TMEM132D: variants seen among roughly 807,000 people sequenced by gnomAD.
TMEM132D encodes mature OL transmembrane protein.
TMEM132D carries 21 observed loss-of-function variants against 62.3 expected under a neutral mutation model. That is an observed-to-expected ratio of 0.34 (90% CI 0.24 to 0.49). The LOEUF (loss-of-function observed/expected upper bound fraction) is 0.49. Among genes scored for constraint, TMEM132D ranks in the 20% least tolerant of loss-of-function variants. TMEM132D has a pLI of 0.99. For synonymous variants in TMEM132D, 621 were observed against 575.6 expected (o/e 1.08, Z -1.13); for missense variants, 1,346 against 1,402.8 (o/e 0.96, Z 0.65).
chr12:129,232,034 C>G (rs1047606597), intron 4 of TMEM132D, among the ~76,000 whole-genome samples: 1 of 152,138 alleles, frequency 6.6e-6, no homozygotes, highest in South Asian at 2.1e-4. Flanking sequence ...CTCAGTGGTT[C>G]TCAAACTTAG....
intron 5 of TMEM132D, among the ~76,000 whole-genome samples, chr12:129,152,325 C>T (rs1046103796): frequency 6.6e-6 from 1 of 152,200 alleles, no homozygotes; most frequent in African/African-American, 2.4e-5. Context: ...AAAATTCTCC[C>T]AGCCTGGGTT....
chr12:129,517,815 G>GGAACAAGGAGAAATTATGCTT lies in TMEM132D; in HGVS notation c.1115+13223_1115+13243dup. Among the ~76,000 whole-genome samples, 3 of 152,264 alleles carry GGAACAAGGAGAAATTATGCTT rather than the reference G, an allele frequency of 2.0e-5. No individual in the cohort carries two copies. The Middle Eastern group carries it at 0.01, about 518-fold the overall frequency. Reference sequence around the variant, plus strand: ...CTATGTGGCAGGCATGGTTGAATAAGGAACAAGGAGAAATTATGCTTGGCT... The same window carrying GGAACAAGGAGAAATTATGCTT: ...CTATGTGGCAGGCATGGTTGAATAAGGAACAAGGAGAAATTATGCTTGAACAAGGAGAAATTATGCTTGGCT... On this transcript the variant is annotated intron_variant, in intron 3 of 8. Coordinates refer to ENST00000422113, the MANE Select transcript of TMEM132D (RefSeq NM_133448.3).
intron 2 of TMEM132D, among the ~76,000 whole-genome samples, chr12:129,678,190 G>A (rs1220901454): frequency 6.6e-6 from 1 of 152,032 alleles, no homozygotes. Flanking sequence ...CCTTAGAAGT[G>A]GAAATATGGG....
chr12:129,329,047 T>A (rs1480059622), intron 4 of TMEM132D, among the ~76,000 whole-genome samples: 1 of 149,402 alleles, frequency 6.7e-6, no homozygotes, highest in Non-Finnish European at 1.5e-5. Flanking sequence ...TATATATATA[T>A]AAAGAATATA....
At chr12:129,442,047 G>C (rs1466984543) in intron 3 of TMEM132D, among the ~76,000 whole-genome samples, 1 of 152,138 alleles carries the variant, frequency 6.6e-6, no homozygotes, top group Admixed American at 6.5e-5. Context: ...CTCACTTCCT[G>C]GGTGACAGAT....
intron 5 of TMEM132D, among the ~76,000 whole-genome samples, chr12:129,162,246 C>T (rs1269225571): frequency 1.3e-5 from 2 of 152,112 alleles, no homozygotes; most frequent in South Asian, 2.1e-4. Flanking sequence ...TTGCATGCTC[C>T]ATGCACTGAG....
intron 3 of TMEM132D, among the ~76,000 whole-genome samples, chr12:129,404,847 C>T (rs1017214937): frequency 1.1e-4 from 17 of 152,148 alleles, no homozygotes; most frequent in African/African-American, 3.9e-4. Context: ...CTAGGGATCA[C>T]ATTTCAACAT....
chr12:129,293,850 T>C (rs937395641), intron 4 of TMEM132D, among the ~76,000 whole-genome samples: 1 of 152,178 alleles, frequency 6.6e-6, no homozygotes, highest in Non-Finnish European at 1.5e-5. Flanking sequence ...ACTTGCCTTC[T>C]GCTGTGTGGC....
At chr12:129,787,394 A>G (rs1871274377) in intron 1 of TMEM132D, among the ~76,000 whole-genome samples, 1 of 152,148 alleles carries the variant, frequency 6.6e-6, no homozygotes, top group Non-Finnish European at 1.5e-5. Flanking sequence ...CTCAGCAGAC[A>G]AGCTTTGTGA....
At chr12:129,145,260 CT>C (rs1325693950) in intron 5 of TMEM132D, among the ~76,000 whole-genome samples, 2 of 152,136 alleles carry the variant, frequency 1.3e-5, no homozygotes, top group Non-Finnish European at 2.9e-5. Flanking sequence ...CTTACTAACT[CT>C]GATTAATAAC....
intron 2 of TMEM132D, among the ~76,000 whole-genome samples, chr12:129,694,500 T>C (rs1881147629): frequency 6.6e-6 from 1 of 152,222 alleles, no homozygotes; most frequent in African/African-American, 2.4e-5. Flanking sequence ...GCAACCTAGC[T>C]TAATAGGCAG....
chr12:129,462,615 G>A (rs1338834821), intron 3 of TMEM132D, among the ~76,000 whole-genome samples: 3 of 152,104 alleles, frequency 2.0e-5, no homozygotes, highest in African/African-American at 7.2e-5. Context: ...TATTGTGGGG[G>A]GAGAAGTATA....
chr12:129,568,354 G>A (rs750705210), intron 2 of TMEM132D, among the ~76,000 whole-genome samples: 18 of 152,286 alleles, frequency 1.2e-4, no homozygotes, highest in East Asian at 1.9e-4. Context: ...ATAATCCAAC[G>A]CACTGACAAA....
rs1248065745 is a variant in TMEM132D at position 129,679,617 on chromosome 12, A to T, written c.968+20193T>A. On this transcript the variant is annotated intron_variant, in intron 2 of 8. Transcript: ENST00000422113. ...ACCAAGATTATCTCAAATTTTCTTT[A>T]TGTCAATAATTCTATTTTTCACCAA... 2.0e-5 allele frequency among the ~76,000 whole-genome samples: 3 copies of T among 151,856 alleles called. No homozygotes were observed. In the East Asian group the frequency reaches 5.8e-4, roughly 29 times the overall value.
chr12:129,258,894 A>G (rs995588234), intron 4 of TMEM132D, among the ~76,000 whole-genome samples: 3 of 152,198 alleles, frequency 2.0e-5, no homozygotes, highest in Non-Finnish European at 4.4e-5. Context: ...CCTTTAGTCC[A>G]GCTTCTTAGA....
At chr12:129,187,888 A>G (rs1040337672) in intron 5 of TMEM132D, among the ~76,000 whole-genome samples, 3 of 152,222 alleles carry the variant, frequency 2.0e-5, no homozygotes, top group African/African-American at 7.2e-5. Context: ...CCTCACTGTC[A>G]CCCTATCCTG....
At chr12:129,378,673 T>C (rs1870852188) in intron 3 of TMEM132D, among the ~76,000 whole-genome samples, 1 of 152,126 alleles carries the variant, frequency 6.6e-6, no homozygotes, top group Non-Finnish European at 1.5e-5. Context: ...GACGCTCCAT[T>C]TTTCCATTCA....
At chr12:129,685,572 G>C (rs1880888916) in intron 2 of TMEM132D, among the ~76,000 whole-genome samples, 1 of 152,214 alleles carries the variant, frequency 6.6e-6, no homozygotes, top group South Asian at 2.1e-4. Context: ...GAGAACCTCT[G>C]ATAAGGCAGT....
intron 5 of TMEM132D, among the ~76,000 whole-genome samples, chr12:129,175,112 C>T (rs1335631238): frequency 3.3e-5 from 5 of 152,178 alleles, no homozygotes; most frequent in Non-Finnish European, 7.3e-5. Context: ...GCTTTTGTTG[C>T]AATTGCTTTT....
Sources: gnomAD v4.1 joint callset for allele counts (sites outside exome capture counted in the v4.1 genomes callset) on GRCh38, gnomAD v4.1.1 for gene constraint, MANE v1.5 for transcripts, NCBI Gene and HGNC (gene_info 2026-07-23, HGNC 2026-07-21) for gene names.